The following ZRANB3 variants were observed in gnomAD, a reference collection of about 807,000 sequenced individuals.
The protein encoded by ZRANB3 is zinc finger RANBP2-type containing 3.
A neutral mutation model predicts 133.8 loss-of-function variants in ZRANB3; 125 were observed. The observed-to-expected ratio is 0.93, with a 90% CI of 0.81 to 1.08. ZRANB3 has a LOEUF of 1.08. ZRANB3 is among the 50% of genes least tolerant of loss of function. The probability of loss-of-function intolerance (pLI) is 0.00; values close to 1 mark genes in which losing one functional copy is unlikely to be tolerated. For synonymous variants in ZRANB3, 387 were observed against 432.7 expected, an observed-to-expected ratio of 0.89 and a Z score of 1.31; for missense variants, 1,229 against 1,275.5, an observed-to-expected ratio of 0.96 and a Z score of 0.56.
chr2:135,367,375 C>T lies in ZRANB3; in HGVS notation c.181-13747G>A, dbSNP rs1685986851. ...GCGGGGACTGCTCCTTAGCTGGGGT[C>T]CTCTCATCCCAGTGTGCCCATGTCC... On this transcript the variant is annotated intron_variant, in intron 3 of 20. Coordinates refer to ENST00000264159, the MANE Select transcript of ZRANB3 (RefSeq NM_032143.4). 4.6e-5 allele frequency among the ~76,000 whole-genome samples: 7 copies of T among 152,306 alleles called. 1 individual carries two copies. In the South Asian group the frequency reaches 1.2e-3, roughly 27 times the overall value.
intron 2 of ZRANB3, among the ~76,000 whole-genome samples, chr2:135,493,881 C>T (rs542957151): frequency 1.3e-5 from 2 of 152,126 alleles, no homozygotes; most frequent in South Asian, 2.1e-4. Context: ...ATGTCCATCA[C>T]CAAGTAAATG....
chr2:135,239,496 T>C (rs1015527766), intron 12 of ZRANB3, among the ~76,000 whole-genome samples: 3 of 152,000 alleles, frequency 2.0e-5, no homozygotes, highest in East Asian at 1.9e-4. Flanking sequence ...CATGTTATCA[T>C]AGGGAAAAAG....
chr2:135,413,985 A>C (rs1481683001), intron 2 of ZRANB3, among the ~76,000 whole-genome samples: 8 of 152,068 alleles, frequency 5.3e-5, no homozygotes. Flanking sequence ...ACGAGTACCA[A>C]CCGTGGCAAA....
At chr2:135,247,359 T>G (rs1174088412) in intron 12 of ZRANB3, among the ~76,000 whole-genome samples, 5 of 150,978 alleles carry the variant, frequency 3.3e-5, no homozygotes, top group Middle Eastern at 3.4e-3. Flanking sequence ...AAATGACTGG[T>G]TTTTTTTTCA....
rs972572498 is a variant in ZRANB3 at position 135,198,551 on chromosome 2, A to G, written c.*1791T>C. The G allele has an allele frequency of 1.3e-5, 2 of 152,218 alleles. No homozygotes were observed. Among genetic ancestry groups the G allele is most frequent in the Non-Finnish European group, 2.9e-5 (2 of 68,046 alleles). 9.4% of individuals were successfully genotyped at this position (152,218 alleles called of 1,614,324 possible). Reference sequence around the variant, plus strand: ...CATCACACAGTTCTTACATCTGAGAACTTTCTCCTTAGAATTATCACCTTA... The same window carrying G: ...CATCACACAGTTCTTACATCTGAGAGCTTTCTCCTTAGAATTATCACCTTA... On this transcript the variant is annotated 3_prime_UTR_variant, in exon 21 of 21. Transcript: ENST00000264159.
intron 6 of ZRANB3, among the ~76,000 whole-genome samples, chr2:135,334,135 C>G (rs1437828607): frequency 6.6e-6 from 1 of 152,118 alleles, no homozygotes; most frequent in African/African-American, 2.4e-5. Context: ...GGGTCTTGTT[C>G]TCTAATGCAT....
intron 12 of ZRANB3, among the ~76,000 whole-genome samples, chr2:135,247,907 T>C (rs7577246): frequency 0.27 from 40,734 of 152,022 alleles, 9,149 homozygotes; most frequent in African/African-American, 0.6. Context: ...TCTACCAAAA[T>C]GTGGCCAGAC....
chr2:135,269,217 A>C, intron 10 of ZRANB3, 76 bp from the exon 11 acceptor site: 1 of 1,230,606 alleles, frequency 8.1e-7, no homozygotes, highest in Non-Finnish European at 1.1e-6. Context: ...GAACATGTTA[A>C]ATGGAGAACA....
intron 8 of ZRANB3, among the ~76,000 whole-genome samples, chr2:135,291,152 G>C (rs748393119): frequency 1.3e-5 from 2 of 151,372 alleles, no homozygotes; most frequent in South Asian, 4.2e-4. Context: ...GTGAGCCACT[G>C]CGCCTGGCCC....
chr2:135,235,470 C>A (rs1695243619), intron 12 of ZRANB3, among the ~76,000 whole-genome samples: 1 of 152,124 alleles, frequency 6.6e-6, no homozygotes, highest in African/African-American at 2.4e-5. Context: ...CAAAGCCTGG[C>A]AGAGACACAA....
intron 3 of ZRANB3, among the ~76,000 whole-genome samples, chr2:135,360,365 G>A (rs1184895318): frequency 2.6e-5 from 4 of 151,084 alleles, no homozygotes; most frequent in Non-Finnish European, 5.9e-5. Flanking sequence ...TGGGCGACAA[G>A]AGTGAAACTC....
intron 8 of ZRANB3, among the ~76,000 whole-genome samples, chr2:135,276,989 C>T (rs1182333454): frequency 6.6e-6 from 1 of 152,112 alleles, no homozygotes; most frequent in Non-Finnish European, 1.5e-5. Flanking sequence ...CTACCATAAC[C>T]ATTCTGGTAG....
intron 2 of ZRANB3, among the ~76,000 whole-genome samples, chr2:135,435,142 C>T (rs1689478291): frequency 6.6e-6 from 1 of 152,098 alleles, no homozygotes; most frequent in Non-Finnish European, 1.5e-5. Flanking sequence ...TCTCTCCTCC[C>T]ACCCTCCCCC....
intron 2 of ZRANB3, among the ~76,000 whole-genome samples, chr2:135,422,824 T>G (rs1001295310): frequency 1.3e-5 from 2 of 152,222 alleles, no homozygotes; most frequent in African/African-American, 4.8e-5. Flanking sequence ...CTATTAGAAG[T>G]CTGACTTTCT....
chr2:135,451,525 G>T (rs990737584), intron 2 of ZRANB3, among the ~76,000 whole-genome samples: 7 of 151,644 alleles, frequency 4.6e-5, no homozygotes, highest in Non-Finnish European at 7.4e-5. Flanking sequence ...TCACACCACT[G>T]CACTCCAGCC....
intron 2 of ZRANB3, among the ~76,000 whole-genome samples, chr2:135,459,386 TAG>T (rs1214765404): frequency 6.6e-6 from 1 of 152,188 alleles, no homozygotes; most frequent in East Asian, 1.9e-4. Context: ...CCAGCTTGCC[TAG>T]TAAAATTTGA....
intron 2 of ZRANB3, among the ~76,000 whole-genome samples, chr2:135,439,141 G>A (rs1158032170): frequency 1.3e-5 from 2 of 152,140 alleles, no homozygotes; most frequent in African/African-American, 4.8e-5. Flanking sequence ...CAAATGACAG[G>A]TTCCAAGGAC....
chr2:135,239,909 G>A (rs13415427), intron 12 of ZRANB3, among the ~76,000 whole-genome samples: 4,015 of 151,996 alleles, frequency 0.026, 169 homozygotes, highest in African/African-American at 0.091. Context: ...GCTCAAACCT[G>A]GGAGGTGGAG....
chr2:135,335,864 T>G (rs74789552), intron 6 of ZRANB3, among the ~76,000 whole-genome samples: 2,124 of 152,206 alleles, frequency 0.014, 32 homozygotes, highest in Non-Finnish European at 0.019. Flanking sequence ...TTATTAAAGT[T>G]GCCATTCCCT....
Sources: gnomAD v4.1 joint callset for allele counts (sites outside exome capture counted in the v4.1 genomes callset) on GRCh38, gnomAD v4.1.1 for gene constraint, MANE v1.5 for transcripts, NCBI Gene and HGNC (gene_info 2026-07-23, HGNC 2026-07-21) for gene names.